The following HDAC9 variants were observed in gnomAD, a reference collection of about 807,000 sequenced individuals.
The protein encoded by HDAC9 is MEF-2 interacting transcription repressor (MITR) protein.
A neutral mutation model predicts 139.4 loss-of-function variants in HDAC9; 41 were observed. That is an observed-to-expected ratio of 0.29 (90% CI 0.23 to 0.38). The LOEUF is 0.38. Ranked by LOEUF, HDAC9 falls within the 10% of genes least tolerant of loss-of-function variation. The pLI, the probability that HDAC9 is intolerant of heterozygous loss-of-function variation, is 1.00. For missense variants in HDAC9, 1,147 were observed against 1,297.0 expected, an observed-to-expected ratio of 0.88 and a Z score of 1.78; for synonymous variants, 517 against 476.2, an observed-to-expected ratio of 1.09 and a Z score of -1.12.
chr7:18,365,249 T>C lies in HDAC9; in HGVS notation c.-42+74734T>C, dbSNP rs148910739. Among the ~76,000 whole-genome samples the C allele has an allele frequency of 2.0e-4, 31 of 152,158 alleles. 1 individual carries two copies. The East Asian group carries it at 6.0e-3, about 29-fold the overall frequency. ...ACCACTTTGGTGAGTGAGATAGAACTAGAGTTGTAAATAAATTTTAGATCT... is the reference window on the plus strand; with the variant it reads ...ACCACTTTGGTGAGTGAGATAGAACCAGAGTTGTAAATAAATTTTAGATCT... On this transcript the variant is annotated intron_variant, in intron 1 of 3. Transcript: ENST00000413509.
chr7:18,447,935 G>T (rs1415276366), intron 1 of HDAC9, among the ~76,000 whole-genome samples: 1 of 152,114 alleles, frequency 6.6e-6, no homozygotes, highest in Non-Finnish European at 1.5e-5. Context: ...CTGCCTCCTG[G>T]GTTCAAGCAA....
chr7:18,378,817 A>C (rs1785200758), intron 1 of HDAC9, among the ~76,000 whole-genome samples: 1 of 152,166 alleles, frequency 6.6e-6, no homozygotes, highest in South Asian at 2.1e-4. Context: ...GAAGCGATAG[A>C]GCATATAGCA....
chr7:18,591,471 G>A (rs780060387), intron 4 of HDAC9, 45 bp from the exon 5 acceptor site: 42 of 1,486,824 alleles, frequency 2.8e-5, no homozygotes, highest in Non-Finnish European at 3.3e-5. Context: ...GTTTCTGTGT[G>A]TGTATGTGTG....
chr7:18,245,746 A>G (rs1318955006), intron 2 of HDAC9, among the ~76,000 whole-genome samples: 1 of 152,112 alleles, frequency 6.6e-6, no homozygotes, highest in Non-Finnish European at 1.5e-5. Context: ...TTATTCTGCC[A>G]CCCCGAATTC....
chr7:18,111,576 T>C (rs150163126), intron 1 of HDAC9, among the ~76,000 whole-genome samples: 2 of 152,350 alleles, frequency 1.3e-5, no homozygotes, highest in Non-Finnish European at 2.9e-5. Flanking sequence ...CTGTATACTT[T>C]AAATCGTCTC....
intron 21 of HDAC9, among the ~76,000 whole-genome samples, chr7:18,857,838 AAATGGGAATGTGACATTCCCATTTTC>A (rs1187643178): frequency 6.6e-6 from 1 of 152,130 alleles, no homozygotes; most frequent in African/African-American, 2.4e-5. Flanking sequence ...TTTTGTTTTC[AAATGGGAATGTGACATTCCCATTTTC>A]AATGGGAATT....
Position 18,404,784 on chromosome 7 carries a change from A to G in HDAC9, c.-41-91478A>G, listed in dbSNP as rs140239355. Among the ~76,000 whole-genome samples, 761 of 152,358 alleles carry G rather than the reference A, an allele frequency of 5.0e-3. 9 individuals are homozygous for G. Among genetic ancestry groups the G allele is most frequent in the African/African-American group, 0.018 (740 of 41,576 alleles). On this transcript the variant is annotated intron_variant, in intron 1 of 3. Transcript: ENST00000413509. The stretch of plus-strand genomic sequence containing the variant: ...CACAAAAATCACCAAACTTCTAAAT[A>G]CTTCTAATATTAACTATTGAAATAA...
At chr7:18,299,126 G>A (rs1427451139) in intron 1 of HDAC9, among the ~76,000 whole-genome samples, 4 of 151,670 alleles carry the variant, frequency 2.6e-5, no homozygotes, top group African/African-American at 7.3e-5. Flanking sequence ...ACTCTGCATT[G>A]TAAAGTGGTA....
intron 1 of HDAC9, among the ~76,000 whole-genome samples, chr7:18,482,671 A>G (rs529589050): frequency 2.0e-5 from 3 of 152,280 alleles, no homozygotes; most frequent in Admixed American, 6.5e-5. Context: ...GAAGCATCAC[A>G]CATTTTTAAG....
chr7:18,991,267 C>G (rs1785913603), intron 25 of HDAC9, among the ~76,000 whole-genome samples: 1 of 152,044 alleles, frequency 6.6e-6, no homozygotes. Context: ...AATGAAAGAA[C>G]ATAAAACAAA....
At chr7:18,843,771 A>C (rs1466802172) in intron 21 of HDAC9, among the ~76,000 whole-genome samples, 1 of 152,138 alleles carries the variant, frequency 6.6e-6, no homozygotes, top group African/African-American at 2.4e-5. Context: ...AAAGAGATTG[A>C]ATGTTTGTTT....
chr7:18,722,826 G>C (rs909160944), intron 12 of HDAC9, among the ~76,000 whole-genome samples: 3 of 152,118 alleles, frequency 2.0e-5, no homozygotes, highest in African/African-American at 7.2e-5. Context: ...TATTTTGAAA[G>C]AAAGTTCAAA....
intron 21 of HDAC9, among the ~76,000 whole-genome samples, chr7:18,867,780 T>TCAG (rs1156558442): frequency 1.3e-5 from 2 of 152,170 alleles, no homozygotes; most frequent in Non-Finnish European, 2.9e-5. Flanking sequence ...CTTGGGTCTC[T>TCAG]CAGGGACTCC....
At chr7:18,118,507 A>G (rs187719731) in intron 1 of HDAC9, among the ~76,000 whole-genome samples, 1 of 152,328 alleles carries the variant, frequency 6.6e-6, no homozygotes, top group Admixed American at 6.5e-5. Context: ...TAATTTTAAT[A>G]TAACTCCCTT....
At chr7:18,433,827 T>C (rs1246310359) in intron 1 of HDAC9, among the ~76,000 whole-genome samples, 1 of 152,166 alleles carries the variant, frequency 6.6e-6, no homozygotes. Flanking sequence ...ATCAGTATTG[T>C]TAAAATGTCC....
At chr7:18,217,415 T>G (rs1792394560) in intron 2 of HDAC9, among the ~76,000 whole-genome samples, 1 of 152,158 alleles carries the variant, frequency 6.6e-6, no homozygotes, top group African/African-American at 2.4e-5. Flanking sequence ...TCTTTATTAT[T>G]TTTTCCTCTT....
intron 6 of HDAC9, among the ~76,000 whole-genome samples, chr7:18,622,989 C>A (rs947677836): frequency 2.6e-5 from 4 of 151,534 alleles, no homozygotes; most frequent in Admixed American, 6.6e-5. Flanking sequence ...ATAAAAAATA[C>A]AAAAATTAGC....
intron 1 of HDAC9, among the ~76,000 whole-genome samples, chr7:18,295,074 G>C (rs988264029): frequency 6.6e-6 from 1 of 152,094 alleles, no homozygotes; most frequent in African/African-American, 2.4e-5. Context: ...TGTCAAGTAG[G>C]CATAAGATGT....
chr7:18,438,195 TAGA>T lies in HDAC9; in HGVS notation c.-41-58059_-41-58057del, dbSNP rs1370898578. On this transcript the variant is annotated intron_variant, in intron 1 of 3. Coordinates refer to the HDAC9 transcript ENST00000413509. The stretch of plus-strand genomic sequence containing the variant: ...ACAAAGGATATGCAAACACAATTCA[TAGA>T]AGAAGAAATCAGATGGCCAATAAAC... Among the ~76,000 whole-genome samples, 19 of 152,012 alleles carry T rather than the reference TAGA, an allele frequency of 1.2e-4. No individual in the cohort carries two copies. The East Asian group carries it at 3.5e-3, about 28-fold the overall frequency.
Sources: allele counts gnomAD v4.1 joint callset (sites outside exome capture counted in the v4.1 genomes callset), GRCh38; gene constraint gnomAD v4.1.1; transcripts MANE v1.5; gene names NCBI Gene and HGNC (gene_info 2026-07-23, HGNC 2026-07-21).